Variants in CDON observed in about 807,000 individuals in gnomAD.
CDON encodes cell adhesion associated, oncogene regulated, also known as cell adhesion molecule-related/down-regulated by oncogenes.
In CDON, 73 loss-of-function variants were observed where a neutral mutation model predicts 120.9. The observed-to-expected ratio is 0.60, with a 90% CI of 0.50 to 0.73. CDON has a LOEUF of 0.73. Ranked by LOEUF, CDON falls within the 30% of genes least tolerant of loss-of-function variation. The pLI, the probability that CDON is intolerant of heterozygous loss-of-function variation, is 0.00. For synonymous variants in CDON, 566 were observed against 573.5 expected, an observed-to-expected ratio of 0.99 and a Z score of 0.19; for missense variants, 1,470 against 1,587.3, an observed-to-expected ratio of 0.93 and a Z score of 1.26.
intron 1 of CDON, among the ~76,000 whole-genome samples, chr11:126,024,700 C>G (rs1229256255): frequency 6.6e-6 from 1 of 152,096 alleles, no homozygotes; most frequent in African/African-American, 2.4e-5. Flanking sequence ...AGGAAGAAGT[C>G]AGAGCTGGAA....
At chr11:126,007,696 G>A (rs1947167994) in intron 8 of CDON, among the ~76,000 whole-genome samples, 1 of 152,170 alleles carries the variant, frequency 6.6e-6, no homozygotes, top group Admixed American at 6.5e-5. Context: ...CACTGTCTGA[G>A]TATCAAAATT....
At chr11:126,016,694 A>G (rs145385345) in intron 6 of CDON, among the ~76,000 whole-genome samples, 1,659 of 152,134 alleles carry the variant, frequency 0.011, 33 homozygotes, top group African/African-American at 0.038. Flanking sequence ...CAGCCTCCCA[A>G]AGTGTGAGTT....
chr11:126,051,264 T>C (rs1465783596), intron 1 of CDON, among the ~76,000 whole-genome samples: 1 of 152,224 alleles, frequency 6.6e-6, no homozygotes, highest in African/African-American at 2.4e-5. Context: ...TTCTACTTTA[T>C]AAGGGTAATC....
At position 126,058,438 on chromosome 11, in the gene CDON, G is replaced by A. The variant is rs552169015; in HGVS notation, c.-62+4141C>T. On this transcript the variant is annotated intron_variant, in intron 1 of 19. Coordinates refer to ENST00000531738, the MANE Select transcript of CDON (RefSeq NM_001378964.1). ...CCTTTCAATCTGGCCATAGTAGTAG[G>A]AGAAATGCCCAGGATTAAGGTGGAA... Among the ~76,000 whole-genome samples the A allele has an allele frequency of 2.6e-5, 4 of 152,334 alleles. No individual in the cohort carries two copies. The South Asian group carries it at 6.2e-4, about 24-fold the overall frequency.
intron 1 of CDON, among the ~76,000 whole-genome samples, chr11:126,052,722 C>T (rs1485644329): frequency 6.6e-6 from 1 of 151,396 alleles, no homozygotes; most frequent in East Asian, 1.9e-4. Context: ...ACTTGGGAGG[C>T]TGAGGCAGGA....
chr11:126,060,442 T>C (rs1948770300), intron 1 of CDON, among the ~76,000 whole-genome samples: 1 of 152,202 alleles, frequency 6.6e-6, no homozygotes, highest in Non-Finnish European at 1.5e-5. Context: ...TTCAACTCAT[T>C]ATTTATTTTC....
chr11:126,040,814 CAAAAAAAAAAAAAAAAAAA>C (rs71048763), intron 1 of CDON, among the ~76,000 whole-genome samples: 10 of 45,016 alleles, frequency 2.2e-4, no homozygotes, highest in Admixed American at 3.1e-4. Context: ...GACTCCGTCT[CAAAAAAAAAAAAAAAAAAA>C]AAAAAAAAAA....
intron 1 of CDON, among the ~76,000 whole-genome samples, chr11:126,056,749 C>G (rs990130066): frequency 6.6e-6 from 1 of 152,160 alleles, no homozygotes; most frequent in Non-Finnish European, 1.5e-5. Context: ...AGCCTGACCA[C>G]AATTGTTAAT....
At chr11:126,012,441 G>A (rs191873925) in intron 7 of CDON, among the ~76,000 whole-genome samples, 354 of 151,668 alleles carry the variant, frequency 2.3e-3, no homozygotes, top group Middle Eastern at 0.017. Flanking sequence ...TCGCTCTGTC[G>A]CCCAGGCCGG....
intron 18 of CDON, among the ~76,000 whole-genome samples, chr11:125,970,183 T>TG (rs1565491814): frequency 0.013 from 1,054 of 83,174 alleles, 15 homozygotes; most frequent in African/African-American, 0.033. Context: ...TTTTTTTTTT[T>TG]TTTTTTTTTT....
intron 1 of CDON, among the ~76,000 whole-genome samples, chr11:126,040,117 G>A (rs1359320089): frequency 6.6e-6 from 1 of 152,134 alleles, no homozygotes; most frequent in African/African-American, 2.4e-5. Flanking sequence ...AAAAGAGCTA[G>A]ACTAGCTTAC....
intron 1 of CDON, among the ~76,000 whole-genome samples, chr11:126,050,228 C>CAAA (rs11439468): frequency 6.8e-6 from 1 of 147,030 alleles, no homozygotes; most frequent in Non-Finnish European, 1.5e-5. Context: ...AGCAAAAAAA[C>CAAA]AAAAAAAAAG....
At chr11:126,025,880 G>T (rs1947780226) in intron 1 of CDON, among the ~76,000 whole-genome samples, 1 of 152,078 alleles carries the variant, frequency 6.6e-6, no homozygotes. Flanking sequence ...AATAAAACTA[G>T]TAAAACTAAC....
rs747295873 is a variant in CDON at position 126,017,271 on chromosome 11, G to A, written c.745C>T (p.Pro249Ser). ...VTLECVVSGVPAPQVYWLKDG... is the reference protein window; with the variant it reads ...VTLECVVSGVSAPQVYWLKDG... ...TTTAGCCAATACACTTGAGGAGCCGGGACCCCACTCACCACACACTCCAAG... is the reference window on the plus strand; with the variant it reads ...TTTAGCCAATACACTTGAGGAGCCGAGACCCCACTCACCACACACTCCAAG... Residue 249 changes from proline (P) to serine (S), a missense_variant, in exon 6 of 20, where the codon CCG becomes TCG. Pro to Ser is a moderately conservative substitution (Grantham distance 74, BLOSUM62 -1). Transcript: ENST00000531738. 2 of 1,613,994 alleles carry A rather than the reference G, an allele frequency of 1.2e-6. No individual in the cohort carries two copies. Among genetic ancestry groups the A allele is most frequent in the African/African-American group, 2.7e-5 (2 of 74,986 alleles).
chr11:126,060,806 A>C (rs1948778228), intron 1 of CDON, among the ~76,000 whole-genome samples: 1 of 152,224 alleles, frequency 6.6e-6, no homozygotes, highest in Non-Finnish European at 1.5e-5. Context: ...TCCTATCTTA[A>C]AGTGAACTTA....
chr11:125,975,897 G>GTTTGT (rs1403950264), intron 18 of CDON, among the ~76,000 whole-genome samples: 2 of 152,142 alleles, frequency 1.3e-5, no homozygotes, highest in African/African-American at 4.8e-5. Flanking sequence ...CTCAGTAAAT[G>GTTTGT]TTTGTTTTGT....
At chr11:125,983,485 T>C (rs1946373374) in intron 16 of CDON, among the ~76,000 whole-genome samples, 2 of 152,206 alleles carry the variant, frequency 1.3e-5, no homozygotes, top group South Asian at 4.1e-4. Context: ...CTGCTTTCCA[T>C]CATGGCTTTT....
chr11:126,062,250 G>C (rs1948815683), intron 1 of CDON, among the ~76,000 whole-genome samples: 1 of 152,098 alleles, frequency 6.6e-6, no homozygotes, highest in African/African-American at 2.4e-5. Flanking sequence ...TTGGGAAAAC[G>C]CGCGGGCGCC....
At chr11:126,031,648 C>A (rs1240469339) in intron 1 of CDON, among the ~76,000 whole-genome samples, 1 of 152,210 alleles carries the variant, frequency 6.6e-6, no homozygotes, top group Admixed American at 6.5e-5. Flanking sequence ...TTCTACTAAT[C>A]TTCTGTCTGC....
Sources: gnomAD v4.1 joint callset for allele counts (sites outside exome capture counted in the v4.1 genomes callset) on GRCh38, gnomAD v4.1.1 for gene constraint, MANE v1.5 for transcripts, NCBI Gene and HGNC (gene_info 2026-07-23, HGNC 2026-07-21) for gene names.